VIPR2: variants seen among roughly 807,000 people sequenced by gnomAD.
The protein encoded by VIPR2 is vasoactive intestinal peptide receptor 2.
Under a neutral mutation model 58.0 loss-of-function variants are expected in VIPR2, and 48 were observed. The ratio of observed to expected loss-of-function variants is 0.83; its 90% CI spans 0.66 to 1.05. The LOEUF (loss-of-function observed/expected upper bound fraction) is 1.05, where lower values mean the gene tolerates loss of function less well. VIPR2 is among the 50% of genes least tolerant of loss of function. The pLI is 0.00. For synonymous variants in VIPR2, 243 were observed against 235.2 expected (o/e 1.03, Z -0.30); for missense variants, 534 against 558.0 (o/e 0.96, Z 0.43).
intron 4 of VIPR2, among the ~76,000 whole-genome samples, chr7:159,069,733 TC>T (rs953247099): frequency 2.6e-5 from 4 of 152,050 alleles, no homozygotes; most frequent in Non-Finnish European, 5.9e-5. Context: ...GCTCCATTTT[TC>T]CCCCCAAATA....
chr7:159,060,047 C>T (rs1855547711), intron 4 of VIPR2, among the ~76,000 whole-genome samples: 1 of 150,768 alleles, frequency 6.6e-6, no homozygotes, highest in African/African-American at 2.4e-5. Context: ...TTCACTTACC[C>T]ACCACCCTCA....
chr7:159,033,750 G>A (rs1853733753), intron 10 of VIPR2, among the ~76,000 whole-genome samples: 1 of 152,096 alleles, frequency 6.6e-6, no homozygotes, highest in Admixed American at 6.5e-5. Flanking sequence ...TGTCTGAGGG[G>A]GAGACAGAAT....
intron 4 of VIPR2, 94 bp from the exon 5 acceptor site, chr7:159,058,672 T>G (rs1585381986): frequency 1.1e-6 from 1 of 949,248 alleles, no homozygotes; most frequent in Non-Finnish European, 1.7e-6. Flanking sequence ...GCTCTGGCCA[T>G]GAAGGACTCT....
chr7:159,047,380 T>C (rs1585358071), intron 5 of VIPR2, among the ~76,000 whole-genome samples: 1 of 152,348 alleles, frequency 6.6e-6, no homozygotes, highest in East Asian at 1.9e-4. Flanking sequence ...AATTCTTTAA[T>C]TACAGAAGAA....
intron 4 of VIPR2, among the ~76,000 whole-genome samples, chr7:159,074,764 G>T (rs1563299648): frequency 6.6e-6 from 1 of 152,118 alleles, no homozygotes; most frequent in Non-Finnish European, 1.5e-5. Context: ...GAGGTGGGAG[G>T]ATTGCTTGAG....
intron 5 of VIPR2, among the ~76,000 whole-genome samples, chr7:159,056,426 G>C (rs1412546096): frequency 6.6e-6 from 1 of 152,182 alleles, no homozygotes; most frequent in African/African-American, 2.4e-5. Flanking sequence ...TCTCAGAGAA[G>C]TGGACCATGC....
At position 159,144,839 on chromosome 7, in the gene VIPR2, C is replaced by A; in HGVS notation, c.-68G>T. 1 of 1,218,716 alleles carries A rather than the reference C, an allele frequency of 8.2e-7. No homozygotes were observed. The highest frequency in any genetic ancestry group is 1.0e-6 in the Non-Finnish European group (1 of 976,976). 75.5% of individuals were successfully genotyped at this position (1,218,716 alleles called of 1,614,324 possible). ...CCGTCCTAGGTCCCCGCGGTTCCGC[C>A]GCCTCCAGCATGGGCCGGGAGCGAG... On this transcript the variant is annotated 5_prime_UTR_variant, in exon 1 of 13. Coordinates refer to ENST00000262178, the MANE Select transcript of VIPR2 (RefSeq NM_003382.5).
intron 4 of VIPR2, among the ~76,000 whole-genome samples, chr7:159,068,808 T>C (rs73730134): frequency 0.031 from 4,651 of 152,268 alleles, 115 homozygotes; most frequent in African/African-American, 0.06. Flanking sequence ...GACATTCCCA[T>C]GGGGAGCAGA....
Position 159,093,743 on chromosome 7 carries a change from C to T in VIPR2, c.357+10014G>A, listed in dbSNP as rs1044759606. ...GGTCCGGACATGGGAGACCCCGCAG[C>T]GTCCCTGGGTCCGGAGATGGGAGAC... On this transcript the variant is annotated intron_variant, in intron 4 of 12. Transcript: ENST00000262178. This position sits in a 1 kb window ranked among gnomAD's most constrained non-coding sequence, Gnocchi z 6.7. Among the ~76,000 whole-genome samples, 36 of 150,872 alleles carry T rather than the reference C, an allele frequency of 2.4e-4. No homozygotes were observed. The highest frequency in any genetic ancestry group is 7.6e-4 in the African/African-American group (31 of 41,020).
At chr7:159,122,305 T>C (rs1796482254) in intron 2 of VIPR2, among the ~76,000 whole-genome samples, 1 of 152,158 alleles carries the variant, frequency 6.6e-6, no homozygotes, top group South Asian at 2.1e-4. Flanking sequence ...AACCCCGAGG[T>C]CATGCACCAA....
intron 2 of VIPR2, among the ~76,000 whole-genome samples, chr7:159,125,395 G>A (rs945162673): frequency 1.3e-4 from 20 of 152,168 alleles, no homozygotes; most frequent in Admixed American, 7.2e-4. Context: ...CCCTGGGTGA[G>A]GAGGACACAA....
intron 4 of VIPR2, among the ~76,000 whole-genome samples, chr7:159,085,590 C>T (rs958215696): frequency 9.9e-5 from 15 of 152,250 alleles, no homozygotes; most frequent in African/African-American, 1.9e-4. Flanking sequence ...CCACCGCGCC[C>T]GGCCTCATGG....
In VIPR2 at chr7:159,127,827, C is replaced by T. The variant is rs985048935; in HGVS notation, c.151+14619G>A. Among the ~76,000 whole-genome samples the T allele has an allele frequency of 3.3e-5, 5 of 152,248 alleles. No homozygotes were observed. Among genetic ancestry groups the T allele is most frequent in the Non-Finnish European group, 5.9e-5 (4 of 68,040 alleles). ...AAACCCTTTTCCCAAACTCCTGCCA[C>T]GGCTCGGATGCTGCTGGGGCCGCAG... On this transcript the variant is annotated intron_variant, in intron 2 of 12. Transcript: ENST00000262178. This position sits in a 1 kb window ranked among gnomAD's most constrained non-coding sequence, Gnocchi z 4.6.
intron 4 of VIPR2, among the ~76,000 whole-genome samples, chr7:159,086,532 G>T (rs1159930898): frequency 6.6e-6 from 1 of 152,272 alleles, no homozygotes; most frequent in Non-Finnish European, 1.5e-5. Context: ...GCTGGGGCCT[G>T]CATGGTTCTG....
At chr7:159,070,278 A>G (rs1319215391) in intron 4 of VIPR2, among the ~76,000 whole-genome samples, 1 of 152,020 alleles carries the variant, frequency 6.6e-6, no homozygotes, top group East Asian at 1.9e-4. Context: ...GGCTGCACGG[A>G]GGACTCCGCA....
intron 4 of VIPR2, among the ~76,000 whole-genome samples, chr7:159,065,928 G>C (rs958003928): frequency 2.6e-5 from 4 of 152,254 alleles, no homozygotes; most frequent in African/African-American, 9.6e-5. Context: ...GACCTCCCCT[G>C]AGACAGAAAA....
intron 2 of VIPR2, among the ~76,000 whole-genome samples, chr7:159,134,046 A>G (rs938172121): frequency 6.6e-6 from 1 of 152,258 alleles, no homozygotes; most frequent in Non-Finnish European, 1.5e-5. Context: ...CTCTGAAATT[A>G]TACTAAGTTA....
intron 6 of VIPR2, among the ~76,000 whole-genome samples, chr7:159,041,679 G>A (rs1381258496): frequency 1.6e-5 from 2 of 124,234 alleles, no homozygotes; most frequent in Non-Finnish European, 1.9e-5. Flanking sequence ...GGTCTGTAAC[G>A]GGTCCTGAGG....
At chr7:159,106,124 A>G (rs1858631790) in intron 3 of VIPR2, among the ~76,000 whole-genome samples, 2 of 152,088 alleles carry the variant, frequency 1.3e-5, no homozygotes, top group South Asian at 4.2e-4. Context: ...CCCTATCCTG[A>G]GCCTGGAAGC....
Sources: allele counts gnomAD v4.1 joint callset (sites outside exome capture counted in the v4.1 genomes callset), GRCh38; gene constraint gnomAD v4.1.1; non-coding constraint Gnocchi (gnomAD v3.1); transcripts MANE v1.5; gene names NCBI Gene and HGNC (gene_info 2026-07-23, HGNC 2026-07-21).